The following STPG2 variants were observed in gnomAD, a reference collection of about 807,000 sequenced individuals.
The protein encoded by STPG2 is sperm tail PG-rich repeat containing 2.
STPG2 carries 56 observed loss-of-function variants against 54.2 expected under a neutral mutation model. The observed-to-expected ratio is 1.03, with a 90% CI of 0.83 to 1.29. The LOEUF (loss-of-function observed/expected upper bound fraction) is 1.29. STPG2 is among the 50% of genes most tolerant of loss of function. The pLI is 0.00. For synonymous variants in STPG2, 200 were observed against 181.8 expected (o/e 1.10, Z -0.81); for missense variants, 596 against 544.9 (o/e 1.09, Z -0.93).
intron 10 of STPG2, among the ~76,000 whole-genome samples, chr4:97,689,008 A>C (rs1377335575): frequency 1.3e-5 from 2 of 152,174 alleles, no homozygotes; most frequent in Admixed American, 1.3e-4. Context: ...AAATAATTTT[A>C]AACCCTATTT....
At chr4:97,915,296 C>T (rs897734733) in intron 8 of STPG2, among the ~76,000 whole-genome samples, 1 of 152,132 alleles carries the variant, frequency 6.6e-6, no homozygotes, top group African/African-American at 2.4e-5. Context: ...TTACTAATTG[C>T]TTGCCATGTG....
At chr4:97,496,944 C>T (rs1374742854) in intron 4 of STPG2, among the ~76,000 whole-genome samples, 9 of 148,958 alleles carry the variant, frequency 6.0e-5, no homozygotes, top group Non-Finnish European at 8.9e-5. Context: ...TATTAAAATG[C>T]TATTAAAAAT....
chr4:98,026,539 G>A (rs1031992630), intron 5 of STPG2, among the ~76,000 whole-genome samples: 6 of 152,126 alleles, frequency 3.9e-5, no homozygotes, highest in Non-Finnish European at 8.8e-5. Context: ...TCTTCCTTCT[G>A]TGGTGTGCCT....
chr4:97,459,298 TAA>T (rs1228284089), intron 4 of STPG2, among the ~76,000 whole-genome samples: 3 of 152,158 alleles, frequency 2.0e-5, no homozygotes, highest in African/African-American at 7.2e-5. Context: ...ATTTAAACTG[TAA>T]ACATGAAGTC....
chr4:97,520,532 A>G (rs1436615805), intron 4 of STPG2, among the ~76,000 whole-genome samples: 1 of 152,076 alleles, frequency 6.6e-6, no homozygotes, highest in Non-Finnish European at 1.5e-5. Flanking sequence ...TTACCATAAC[A>G]TTTAGTCACA....
chr4:97,775,135 G>C (rs1726336151), intron 9 of STPG2, among the ~76,000 whole-genome samples: 2 of 152,084 alleles, frequency 1.3e-5, no homozygotes, highest in South Asian at 4.1e-4. Flanking sequence ...TAAATAGAAA[G>C]GAATGTAAAG....
chr4:97,532,798 A>T (rs1459218428), intron 4 of STPG2, among the ~76,000 whole-genome samples: 1 of 152,230 alleles, frequency 6.6e-6, no homozygotes, highest in East Asian at 1.9e-4. Context: ...GAGAAGATAC[A>T]CATTTAAACA....
intron 10 of STPG2, among the ~76,000 whole-genome samples, chr4:97,567,745 G>A (rs2148881100): frequency 6.6e-6 from 1 of 151,916 alleles, no homozygotes; most frequent in Non-Finnish European, 1.5e-5. Flanking sequence ...AAGATATATT[G>A]TATATTACAT....
chr4:97,510,254 C>T (rs1476230013), intron 4 of STPG2, among the ~76,000 whole-genome samples: 1 of 152,064 alleles, frequency 6.6e-6, no homozygotes, highest in African/African-American at 2.4e-5. Flanking sequence ...TTGTCAGGCT[C>T]AATATTGCAT....
At chr4:97,446,561 C>A (rs1729226464) in intron 4 of STPG2, among the ~76,000 whole-genome samples, 1 of 152,190 alleles carries the variant, frequency 6.6e-6, no homozygotes, top group Admixed American at 6.5e-5. Context: ...CAAATCTCAT[C>A]TCAAATTGCA....
At chr4:97,450,236 T>C (rs989877140) in intron 4 of STPG2, among the ~76,000 whole-genome samples, 2 of 152,194 alleles carry the variant, frequency 1.3e-5, no homozygotes, top group African/African-American at 2.4e-5. Context: ...TCATGATTTA[T>C]AGAAGAAAAA....
At chr4:97,684,342 T>C (rs141389542) in intron 10 of STPG2, among the ~76,000 whole-genome samples, 8 of 152,020 alleles carry the variant, frequency 5.3e-5, no homozygotes, top group Non-Finnish European at 1.0e-4. Context: ...AGTCTAACTA[T>C]AAAGTATAAA....
rs554795664 is a variant in STPG2 at position 97,903,127 on chromosome 4, T to A, written c.1044+40770A>T. Among the ~76,000 whole-genome samples the A allele has an allele frequency of 3.3e-5, 5 of 152,282 alleles. No homozygotes were observed. The South Asian group carries it at 1.0e-3, about 32-fold the overall frequency. Reference sequence around the variant, plus strand: ...TCGAAGTTACAAAATGAATATATTCTGGACACCTACCGCACAGCATAGTGA... The same window carrying A: ...TCGAAGTTACAAAATGAATATATTCAGGACACCTACCGCACAGCATAGTGA... On this transcript the variant is annotated intron_variant, in intron 8 of 10. Transcript: ENST00000295268.
At position 97,902,589 on chromosome 4, in the gene STPG2, A is replaced by C. The variant is rs140465793; in HGVS notation, c.1044+41308T>G. On this transcript the variant is annotated intron_variant, in intron 8 of 10. Coordinates refer to ENST00000295268, the MANE Select transcript of STPG2 (RefSeq NM_174952.3). ...TCAGGGAAATGAAAATCAAAACCACAAGGAGATACCACTTCACATCTTTAA... is the reference window on the plus strand; with the variant it reads ...TCAGGGAAATGAAAATCAAAACCACCAGGAGATACCACTTCACATCTTTAA... Among the ~76,000 whole-genome samples, 656 of 152,258 alleles carry C rather than the reference A, an allele frequency of 4.3e-3. 3 individuals are homozygous for C. Among genetic ancestry groups the C allele is most frequent in the South Asian group, 0.024 (117 of 4,826 alleles).
chr4:97,874,828 A>C (rs182108105), intron 8 of STPG2, among the ~76,000 whole-genome samples: 102 of 151,736 alleles, frequency 6.7e-4, no homozygotes, highest in African/African-American at 2.4e-3. Context: ...ATATGTTGTG[A>C]CTAGTGATCA....
chr4:97,878,513 C>T (rs775772998), intron 8 of STPG2, among the ~76,000 whole-genome samples: 1 of 152,204 alleles, frequency 6.6e-6, no homozygotes, highest in Non-Finnish European at 1.5e-5. Context: ...CACATGGAAG[C>T]TGCCAAGGCT....
At chr4:97,629,984 T>C (rs1015371561) in intron 10 of STPG2, among the ~76,000 whole-genome samples, 7 of 152,016 alleles carry the variant, frequency 4.6e-5, no homozygotes, top group Non-Finnish European at 8.8e-5. Flanking sequence ...CAATCTTTCC[T>C]GACATTGAGT....
chr4:97,924,907 C>A lies in STPG2; in HGVS notation c.1044+18990G>T, dbSNP rs752452018. ...TCTACCAAACAATGACTTGTTGATA[C>A]AAAATGTTGGATGGATGCCATAGAT... On this transcript the variant is annotated intron_variant, in intron 8 of 10. Transcript: ENST00000295268. Among the ~76,000 whole-genome samples the A allele has an allele frequency of 3.3e-5, 5 of 152,090 alleles. No homozygotes were observed. In the East Asian group the frequency reaches 9.6e-4, roughly 29 times the overall value.
intron 10 of STPG2, among the ~76,000 whole-genome samples, chr4:97,598,442 A>G (rs1733359463): frequency 6.6e-6 from 1 of 152,154 alleles, no homozygotes; most frequent in Non-Finnish European, 1.5e-5. Flanking sequence ...TCCTAAGCAA[A>G]AACAAGCAAA....
Sources: gnomAD v4.1 joint callset for allele counts (sites outside exome capture counted in the v4.1 genomes callset) on GRCh38, gnomAD v4.1.1 for gene constraint, MANE v1.5 for transcripts, NCBI Gene and HGNC (gene_info 2026-07-23, HGNC 2026-07-21) for gene names.